PPP3CA: variants seen among roughly 807,000 people sequenced by gnomAD.
The protein encoded by PPP3CA is protein phosphatase 3 catalytic subunit alpha, also known as CAM-PRP catalytic subunit.
PPP3CA carries 14 observed loss-of-function variants against 66.5 expected under a neutral mutation model. The observed-to-expected ratio is 0.21, with a 90% CI of 0.14 to 0.33. PPP3CA has a LOEUF of 0.33. Among genes scored for constraint, PPP3CA ranks in the 10% least tolerant of loss-of-function variants. PPP3CA has a pLI of 1.00. For missense variants in PPP3CA, 317 were observed against 639.5 expected (o/e 0.50, Z 5.44); for synonymous variants, 232 against 226.2 (o/e 1.03, Z -0.23).
chr4:101,323,248 T>C (rs1466730033), intron 1 of PPP3CA, among the ~76,000 whole-genome samples: 3 of 152,172 alleles, frequency 2.0e-5, no homozygotes, highest in Non-Finnish European at 4.4e-5. Context: ...GTTCCTCAAA[T>C]AGAGCGAAAC....
intron 3 of PPP3CA, among the ~76,000 whole-genome samples, chr4:101,103,390 T>A (rs1396625617): frequency 1.3e-5 from 2 of 152,182 alleles, no homozygotes; most frequent in African/African-American, 4.8e-5. Flanking sequence ...ATATCAAATG[T>A]AGCTCCTCTA....
At chr4:101,151,825 T>G (rs1167746631) in intron 2 of PPP3CA, among the ~76,000 whole-genome samples, 1 of 151,344 alleles carries the variant, frequency 6.6e-6, no homozygotes, top group Non-Finnish European at 1.5e-5. Context: ...CCCTGCTAAT[T>G]TTTTGTATTT....
At chr4:101,239,043 T>A (rs1370552310) in intron 1 of PPP3CA, among the ~76,000 whole-genome samples, 1 of 152,128 alleles carries the variant, frequency 6.6e-6, no homozygotes, top group Non-Finnish European at 1.5e-5. Flanking sequence ...AGAGAAAGTT[T>A]ACTGAAGGGC....
chr4:101,131,854 T>C (rs1210677055), intron 2 of PPP3CA, among the ~76,000 whole-genome samples: 3 of 152,168 alleles, frequency 2.0e-5, no homozygotes, highest in African/African-American at 7.2e-5. Flanking sequence ...TAATTTGAAG[T>C]AAAACACTTC....
rs1400745970 is a variant in PPP3CA, at chr4:101,027,106, TAAA to T, written c.1370-1048_1370-1046del. On this transcript the variant is annotated intron_variant, in intron 13 of 13. Coordinates refer to ENST00000394854, the MANE Select transcript of PPP3CA (RefSeq NM_000944.5). The stretch of plus-strand genomic sequence containing the variant: ...ACTGGTGAGCTGCAAATAAAACACA[TAAA>T]TGGGGAACCAATGACATCAGTTTGC... 2.5e-4 allele frequency among the ~76,000 whole-genome samples: 38 copies of T among 152,228 alleles called. No individual in the cohort carries two copies. The East Asian group carries it at 7.2e-3, about 29-fold the overall frequency.
At chr4:101,324,164 GGA>G (rs1729134443) in intron 1 of PPP3CA, among the ~76,000 whole-genome samples, 18 of 101,816 alleles carry the variant, frequency 1.8e-4, no homozygotes, top group Middle Eastern at 9.3e-3. Flanking sequence ...GAGGAAGGAA[GGA>G]AGGAAGGAAG....
At chr4:101,040,400 A>G in intron 11 of PPP3CA, 82 bp downstream of exon 11, 1 of 952,960 alleles carries the variant, frequency 1.0e-6, no homozygotes, top group Non-Finnish European at 1.5e-6. Flanking sequence ...AAATATTTAA[A>G]TTACCAGATG....
In PPP3CA at chr4:101,333,270, G is replaced by GTTTT. The variant is rs70961788; in HGVS notation, c.58+13465_58+13468dup. Among the ~76,000 whole-genome samples, 45 of 47,266 alleles carry GTTTT rather than the reference G, an allele frequency of 9.5e-4. 2 individuals carry two copies. Among genetic ancestry groups the GTTTT allele is most frequent in the Non-Finnish European group, 1.6e-3 (32 of 20,152 alleles). 31.0% of individuals were successfully genotyped at this position (47,266 alleles called of 152,430 possible). On this transcript the variant is annotated intron_variant, in intron 1 of 13. Coordinates refer to ENST00000394854, the MANE Select transcript of PPP3CA (RefSeq NM_000944.5). ...CTACAGGCATGCACTACCATGCCCA[G>GTTTT]TTTTTTTTTTTTTTTTTTTTTTTTT... is the stretch of plus-strand genomic sequence containing the variant.
intron 1 of PPP3CA, among the ~76,000 whole-genome samples, chr4:101,263,518 C>A (rs1183420174): frequency 6.6e-6 from 1 of 152,054 alleles, no homozygotes; most frequent in African/African-American, 2.4e-5. Flanking sequence ...GTGTTCCTTA[C>A]TGTCAATTAA....
intron 1 of PPP3CA, among the ~76,000 whole-genome samples, chr4:101,278,144 A>AAAAAAAAAAAAAAAAAAAAAAT (rs1163329750): frequency 6.9e-6 from 1 of 145,176 alleles, no homozygotes; most frequent in African/African-American, 2.6e-5. Context: ...AAAAAATAAA[A>AAAAAAAAAAAAAAAAAAAAAAT]AAATTAAAAA....
rs1042094 is a variant in PPP3CA at position 101,025,791 on chromosome 4, T to C, written c.*74A>G. 0.093 allele frequency: 113,124 copies of C among 1,221,396 alleles called. 7,748 individuals are homozygous for C. The highest frequency in any genetic ancestry group is 0.32 in the African/African-American group (18,485 of 57,560). The allele number at this position is 1,221,396 out of a possible 1,614,324, so 75.7% of individuals were successfully genotyped here. Reference sequence around the variant, plus strand: ...AGGCAAGAACATCCAACTGCTGATATGCAGCAATCCCCATCATGCCCCGCA... The same window carrying C: ...AGGCAAGAACATCCAACTGCTGATACGCAGCAATCCCCATCATGCCCCGCA... On this transcript the variant is annotated 3_prime_UTR_variant, in exon 14 of 14. Transcript: ENST00000394854.
At chr4:101,267,292 T>G (rs1578611554) in intron 1 of PPP3CA, among the ~76,000 whole-genome samples, 1 of 152,330 alleles carries the variant, frequency 6.6e-6, no homozygotes, top group Non-Finnish European at 1.5e-5. Context: ...AATCAAAGGT[T>G]TTCACAAGCC....
At chr4:101,334,387 G>T (rs1729560552) in intron 1 of PPP3CA, among the ~76,000 whole-genome samples, 1 of 152,012 alleles carries the variant, frequency 6.6e-6, no homozygotes. Flanking sequence ...CACCCACCCG[G>T]CCTCCCAAAG....
At chr4:101,152,012 T>C (rs1723159873) in intron 2 of PPP3CA, among the ~76,000 whole-genome samples, 1 of 152,174 alleles carries the variant, frequency 6.6e-6, no homozygotes, top group Admixed American at 6.5e-5. Flanking sequence ...AAATACAAAA[T>C]AGAAAAACCT....
At chr4:101,329,214 G>A (rs1045905140) in intron 1 of PPP3CA, among the ~76,000 whole-genome samples, 1 of 152,074 alleles carries the variant, frequency 6.6e-6, no homozygotes, top group African/African-American at 2.4e-5. Flanking sequence ...AAGCTAAAGA[G>A]CCTAATGCCA....
chr4:101,096,113 G>A (rs1050942499), intron 5 of PPP3CA, among the ~76,000 whole-genome samples: 2 of 152,100 alleles, frequency 1.3e-5, no homozygotes, highest in Non-Finnish European at 2.9e-5. Context: ...TTGTGCTTTC[G>A]CTTGAATTTT....
chr4:101,118,440 T>A (rs1721916523), intron 2 of PPP3CA, among the ~76,000 whole-genome samples: 1 of 152,072 alleles, frequency 6.6e-6, no homozygotes, highest in African/African-American at 2.4e-5. Flanking sequence ...CATCATTTAC[T>A]TTAATAGCAG....
chr4:101,343,956 G>A (rs1184279222), intron 1 of PPP3CA, among the ~76,000 whole-genome samples: 1 of 152,000 alleles, frequency 6.6e-6, no homozygotes, highest in African/African-American at 2.4e-5. Flanking sequence ...ATAACTGTAA[G>A]CAAATGCCAT....
chr4:101,077,789 T>C (rs1339275092), intron 8 of PPP3CA, among the ~76,000 whole-genome samples: 2 of 151,362 alleles, frequency 1.3e-5, no homozygotes, highest in African/African-American at 4.8e-5. Flanking sequence ...GTGAAAGAAC[T>C]ACAAAATCTC....
Sources: gnomAD v4.1 joint callset for allele counts (sites outside exome capture counted in the v4.1 genomes callset) on GRCh38, gnomAD v4.1.1 for gene constraint, MANE v1.5 for transcripts, NCBI Gene and HGNC (gene_info 2026-07-23, HGNC 2026-07-21) for gene names.